Variants in PRKN observed in about 807,000 individuals in gnomAD.
PRKN encodes E3 ubiquitin-protein ligase parkin.
Under a neutral mutation model 59.5 loss-of-function variants are expected in PRKN, and 56 were observed. The observed-to-expected ratio is 0.94, with a 90% CI of 0.76 to 1.18. The LOEUF is 1.18. Ranked by LOEUF, PRKN falls within the 50% of genes most tolerant of loss-of-function variation. The pLI, the probability that PRKN is intolerant of heterozygous loss-of-function variation, is 0.00. For missense variants in PRKN, 657 were observed against 596.4 expected (o/e 1.10, Z -1.06); for synonymous variants, 250 against 222.1 (o/e 1.13, Z -1.12).
At chr6:161,534,123 T>C (rs1223967226) in intron 9 of PRKN, among the ~76,000 whole-genome samples, 2 of 152,050 alleles carry the variant, frequency 1.3e-5, no homozygotes, top group Non-Finnish European at 2.9e-5. Flanking sequence ...AGGGCCAGAC[T>C]CCCTTTCCCT....
At chr6:162,622,648 A>G (rs1202932108) in intron 1 of PRKN, among the ~76,000 whole-genome samples, 1 of 152,200 alleles carries the variant, frequency 6.6e-6, no homozygotes, top group African/African-American at 2.4e-5. Flanking sequence ...TGATAATCCT[A>G]GTTACTTTTC....
rs533642613 is a variant in PRKN at position 161,561,382 on chromosome 6, A to G, written c.933+7973T>C. 1.3e-5 allele frequency among the ~76,000 whole-genome samples: 2 copies of G among 152,298 alleles called. No individual in the cohort carries two copies. The highest frequency in any genetic ancestry group is 4.1e-4 in the South Asian group (2 of 4,820). ...GCCTCTCTCCAGCCATCCATACTTT[A>G]TATTTCACTGAGGAGAGAGGAATCA... On this transcript the variant is annotated intron_variant, in intron 8 of 11. Coordinates refer to ENST00000366898, the MANE Select transcript of PRKN (RefSeq NM_004562.3). This position sits in a 1 kb window ranked among gnomAD's most constrained non-coding sequence, Gnocchi z 5.0.
chr6:161,879,777 C>A (rs1794864557), intron 6 of PRKN, among the ~76,000 whole-genome samples: 1 of 152,126 alleles, frequency 6.6e-6, no homozygotes, highest in Non-Finnish European at 1.5e-5. Context: ...GAGTCTTTTT[C>A]ATTTTCAACC....
intron 2 of PRKN, among the ~76,000 whole-genome samples, chr6:162,437,635 A>G (rs973171740): frequency 6.6e-6 from 1 of 152,132 alleles, no homozygotes; most frequent in Non-Finnish European, 1.5e-5. Flanking sequence ...CTCCATTTCT[A>G]TCATTTTGTC....
chr6:161,664,702 G>A (rs373292049), intron 7 of PRKN, among the ~76,000 whole-genome samples: 3 of 151,980 alleles, frequency 2.0e-5, no homozygotes, highest in East Asian at 3.9e-4. Context: ...ATTTTAAAAC[G>A]AGTAAGTTAT....
chr6:161,874,813 A>AATTTATAATATATAAAAT (rs1190599137), intron 6 of PRKN, among the ~76,000 whole-genome samples: 1 of 27,524 alleles, frequency 3.6e-5, no homozygotes, highest in Non-Finnish European at 8.3e-5. Context: ...AGATATATAA[A>AATTTATAATATATAAAAT]ATGTATAATA....
intron 1 of PRKN, among the ~76,000 whole-genome samples, chr6:162,610,493 T>C (rs9364665): frequency 0.31 from 46,879 of 152,102 alleles, 7,672 homozygotes; most frequent in East Asian, 0.5. Context: ...ACATATTGTA[T>C]AATATTAACA....
At chr6:162,444,937 C>T (rs1185298919) in intron 1 of PRKN, among the ~76,000 whole-genome samples, 3 of 152,114 alleles carry the variant, frequency 2.0e-5, no homozygotes, top group Non-Finnish European at 4.4e-5. Flanking sequence ...AAACTATCGT[C>T]TTGTAACATT....
chr6:162,495,799 T>G (rs577806758), intron 1 of PRKN, among the ~76,000 whole-genome samples: 1 of 152,266 alleles, frequency 6.6e-6, no homozygotes, highest in Non-Finnish European at 1.5e-5. Context: ...CCACTGTGCC[T>G]CCAGCCTCCT....
intron 3 of PRKN, among the ~76,000 whole-genome samples, chr6:162,216,068 A>C (rs1223050555): frequency 1.3e-5 from 2 of 152,108 alleles, no homozygotes; most frequent in Non-Finnish European, 2.9e-5. Flanking sequence ...AAGGGCAATG[A>C]ACTTAAACCC....
chr6:162,575,136 T>C (rs960289743), intron 1 of PRKN, among the ~76,000 whole-genome samples: 4 of 152,198 alleles, frequency 2.6e-5, no homozygotes, highest in African/African-American at 9.6e-5. Context: ...TTCTATGCCA[T>C]GGAGAAAATG....
In PRKN at chr6:161,705,393, C is replaced by G. The variant is rs191369471; in HGVS notation, c.871+80379G>C. On this transcript the variant is annotated intron_variant, in intron 7 of 11. Transcript: ENST00000366898. The stretch of plus-strand genomic sequence containing the variant: ...CTTATGCAATTTATTGAATACTGTA[C>G]AAAAAGTGAAAAACAAGGTTGGATT... Among the ~76,000 whole-genome samples, 662 of 152,120 alleles carry G rather than the reference C, an allele frequency of 4.4e-3. 4 individuals are homozygous for G. Among genetic ancestry groups the G allele is most frequent in the Non-Finnish European group, 7.0e-3 (475 of 68,010 alleles).
At chr6:161,996,265 G>A (rs1781837569) in intron 5 of PRKN, among the ~76,000 whole-genome samples, 1 of 152,074 alleles carries the variant, frequency 6.6e-6, no homozygotes, top group South Asian at 2.1e-4. Context: ...TGAACTAGAA[G>A]TCATTATGTT....
At chr6:162,615,483 C>T (rs1782369847) in intron 1 of PRKN, among the ~76,000 whole-genome samples, 1 of 152,018 alleles carries the variant, frequency 6.6e-6, no homozygotes, top group East Asian at 1.9e-4. Flanking sequence ...CCTATGTACA[C>T]CCTTGGCAGG....
chr6:161,939,143 C>A (rs1261229948), intron 6 of PRKN, among the ~76,000 whole-genome samples: 1 of 152,092 alleles, frequency 6.6e-6, no homozygotes, highest in Non-Finnish European at 1.5e-5. Context: ...TGAGGCCAGG[C>A]ACAGTGGCTA....
chr6:161,521,021 G>A (rs547397232), intron 9 of PRKN, among the ~76,000 whole-genome samples: 8 of 152,296 alleles, frequency 5.3e-5, no homozygotes, highest in African/African-American at 1.7e-4. Flanking sequence ...ATGTTTACTG[G>A]CCTCTTCTCC....
chr6:162,261,292 C>T (rs1779876377), intron 3 of PRKN, among the ~76,000 whole-genome samples: 1 of 152,088 alleles, frequency 6.6e-6, no homozygotes, highest in Non-Finnish European at 1.5e-5. Context: ...TAGAGCTTTT[C>T]CTGTGTCTAC....
At chr6:162,582,868 C>T (rs1180092488) in intron 1 of PRKN, among the ~76,000 whole-genome samples, 2 of 152,256 alleles carry the variant, frequency 1.3e-5, no homozygotes, top group African/African-American at 4.8e-5. Context: ...TGCTTCCTTG[C>T]TATATGGAAA....
At chr6:162,109,499 A>C (rs1242103186) in intron 4 of PRKN, among the ~76,000 whole-genome samples, 1 of 152,212 alleles carries the variant, frequency 6.6e-6, no homozygotes, top group Non-Finnish European at 1.5e-5. Flanking sequence ...GAGATGATAC[A>C]GGGACCAGCT....
Sources: allele counts gnomAD v4.1 joint callset (sites outside exome capture counted in the v4.1 genomes callset), GRCh38; gene constraint gnomAD v4.1.1; non-coding constraint Gnocchi (gnomAD v3.1); transcripts MANE v1.5; gene names NCBI Gene and HGNC (gene_info 2026-07-23, HGNC 2026-07-21).